SH3BP4: variants seen among roughly 807,000 people sequenced by gnomAD.
SH3BP4 encodes the protein SH3 domain-binding protein 4.
SH3BP4 carries 33 observed loss-of-function variants against 65.5 expected under a neutral mutation model. That is an observed-to-expected ratio of 0.50 (90% CI 0.38 to 0.67). The LOEUF is 0.67. Among genes scored for constraint, SH3BP4 ranks in the 30% least tolerant of loss-of-function variants. SH3BP4 has a pLI of 0.00. For synonymous variants in SH3BP4, 552 were observed against 545.5 expected (o/e 1.01, Z -0.17); for missense variants, 1,134 against 1,261.4 (o/e 0.90, Z 1.53).
chr2:235,006,200 T>G (rs1426308005), intron 2 of SH3BP4, among the ~76,000 whole-genome samples: 1 of 152,334 alleles, frequency 6.6e-6, no homozygotes, highest in African/African-American at 2.4e-5. Flanking sequence ...AGGTGGGAGA[T>G]GGGAGTCAGC....
At chr2:234,957,209 C>T (rs546676676) in intron 1 of SH3BP4, among the ~76,000 whole-genome samples, 41 of 151,376 alleles carry the variant, frequency 2.7e-4, no homozygotes, top group Admixed American at 3.9e-4. Context: ...TAGTAGAGAC[C>T]GGCTTCCCCA....
At chr2:234,988,145 C>T (rs540075799) in intron 1 of SH3BP4, among the ~76,000 whole-genome samples, 100 of 152,288 alleles carry the variant, frequency 6.6e-4, no homozygotes, top group Non-Finnish European at 1.1e-3. Flanking sequence ...CTGCATCCTT[C>T]GCCTCCCGGG....
rs115366811 is a variant in SH3BP4 at position 235,024,442 on chromosome 2, C to T, written c.-132-10429C>T. On this transcript the variant is annotated intron_variant, in intron 2 of 5. Transcript: ENST00000392011. ...TGTGGCATCCTCATGGCTGCTTTGG[C>T]TTCAGGGCTCCACTCACGTCCTCAC... Among the ~76,000 whole-genome samples, 739 of 152,232 alleles carry T rather than the reference C, an allele frequency of 4.9e-3. 6 individuals are homozygous for T. The highest frequency in any genetic ancestry group is 0.02 in the East Asian group (106 of 5,172).
Position 235,052,565 on chromosome 2 carries a change from C to T in SH3BP4, c.2482C>T (p.Leu828=), listed in dbSNP as rs770337282. 83 of 1,547,464 alleles carry T rather than the reference C, an allele frequency of 5.4e-5. No individual in the cohort carries two copies. Among genetic ancestry groups the T allele is most frequent in the Non-Finnish European group, 5.2e-5 (59 of 1,144,676 alleles). Residue 828 remains leucine (L), a synonymous_variant, in exon 5 of 6, where the codon CTA becomes TTA. Transcript: ENST00000392011. The surrounding 1 kb of genome is among the most constrained non-coding windows in gnomAD (Gnocchi z 5.0). ...CTGTGTGCCTCTTCCTCTGCAGGCC[C>T]TACTGAAGATGGACTGCCAGGGCCT... is the stretch of plus-strand genomic sequence containing the variant. The part of the protein sequence containing the change: ...KSFQKELVMA[L]LKMDCQGLVV...
intron 1 of SH3BP4, among the ~76,000 whole-genome samples, chr2:234,968,527 T>TG (rs1241644561): frequency 6.6e-6 from 1 of 152,210 alleles, no homozygotes; most frequent in African/African-American, 2.4e-5. Flanking sequence ...TCAGTGTTTG[T>TG]GGTTATTCCT....
At chr2:234,995,518 T>C (rs1294385356) in intron 2 of SH3BP4, 142 bp downstream of exon 2, 3 of 152,372 alleles carry the variant, frequency 2.0e-5, no homozygotes, top group Admixed American at 2.0e-4. Context: ...TTCTGGAAGC[T>C]TCTGGTGACA....
Position 235,034,171 on chromosome 2 carries a change from A to G in SH3BP4, c.-132-700A>G, listed in dbSNP as rs1281367139. 2.6e-5 allele frequency among the ~76,000 whole-genome samples: 4 copies of G among 152,248 alleles called. No individual in the cohort carries two copies. The East Asian group carries it at 7.7e-4, about 29-fold the overall frequency. On this transcript the variant is annotated intron_variant, in intron 2 of 5. Coordinates refer to ENST00000392011, the MANE Select transcript of SH3BP4 (RefSeq NM_014521.3). This position sits in a 1 kb window ranked among gnomAD's most constrained non-coding sequence, Gnocchi z 6.2. The stretch of plus-strand genomic sequence containing the variant: ...TGTCTGTGCGCCCTTCCAGAAAAAA[A>G]AAGCAGAGGCCTTAGGGGTGATTCT...
At chr2:235,027,026 C>G (rs1390031062) in intron 2 of SH3BP4, among the ~76,000 whole-genome samples, 2 of 152,220 alleles carry the variant, frequency 1.3e-5, no homozygotes, top group Non-Finnish European at 2.9e-5. Context: ...AGGAAAGGTT[C>G]TGCTGATCAG....
At chr2:235,051,392 T>C (rs1393619259) in intron 4 of SH3BP4, among the ~76,000 whole-genome samples, 1 of 152,162 alleles carries the variant, frequency 6.6e-6, no homozygotes, top group African/African-American at 2.4e-5. Flanking sequence ...ATATGTTCAA[T>C]GCCTGTCCCA....
intron 1 of SH3BP4, among the ~76,000 whole-genome samples, chr2:234,963,623 C>G (rs1004372767): frequency 1.3e-5 from 2 of 152,208 alleles, no homozygotes; most frequent in African/African-American, 2.4e-5. Context: ...GCTTCAGAAG[C>G]ATTAACATCT....
At chr2:235,010,068 C>T (rs904331388) in intron 2 of SH3BP4, among the ~76,000 whole-genome samples, 3 of 148,660 alleles carry the variant, frequency 2.0e-5, no homozygotes, top group Middle Eastern at 3.4e-3. Context: ...GTCCCATCCC[C>T]GGGATCCCCC....
intron 1 of SH3BP4, among the ~76,000 whole-genome samples, chr2:234,969,397 C>G (rs1692921642): frequency 1.3e-5 from 2 of 152,158 alleles, no homozygotes; most frequent in African/African-American, 2.4e-5. Context: ...CCTGGGACGT[C>G]CCAGTGTGTG....
intron 2 of SH3BP4, among the ~76,000 whole-genome samples, chr2:235,002,959 G>A (rs1214241783): frequency 2.0e-5 from 3 of 152,378 alleles, no homozygotes; most frequent in African/African-American, 7.2e-5. Flanking sequence ...ATTCCGTTCT[G>A]CCTTTGATCT....
intron 2 of SH3BP4, among the ~76,000 whole-genome samples, chr2:235,007,682 T>G (rs1694340057): frequency 6.6e-6 from 1 of 152,110 alleles, no homozygotes; most frequent in Admixed American, 6.5e-5. Flanking sequence ...TGCCAGTTGC[T>G]AAGTGGGGAA....
chr2:235,012,047 G>A (rs949611392), intron 2 of SH3BP4, among the ~76,000 whole-genome samples: 1 of 152,240 alleles, frequency 6.6e-6, no homozygotes, highest in Admixed American at 6.5e-5. Flanking sequence ...GGGAAAGCAT[G>A]GGGCTGGTGC....
intron 1 of SH3BP4, among the ~76,000 whole-genome samples, chr2:234,964,641 T>G (rs946827057): frequency 2.0e-5 from 3 of 152,066 alleles, no homozygotes; most frequent in Non-Finnish European, 4.4e-5. Context: ...GGCAGTGGAC[T>G]GGTGGGTTCT....
chr2:235,012,059 C>T lies in SH3BP4; in HGVS notation c.-133+16683C>T, dbSNP rs143953062. Among the ~76,000 whole-genome samples the T allele has an allele frequency of 2.1e-3, 314 of 152,294 alleles. 3 individuals carry two copies. Among genetic ancestry groups the T allele is most frequent in the Admixed American group, 4.7e-3 (72 of 15,300 alleles). On this transcript the variant is annotated intron_variant, in intron 2 of 5. Coordinates refer to ENST00000392011, the MANE Select transcript of SH3BP4 (RefSeq NM_014521.3). ...ATAGGGAAAGCATGGGGCTGGTGCC[C>T]GCACACTCAGTGTGGATGCAGGGAG...
intron 2 of SH3BP4, among the ~76,000 whole-genome samples, chr2:235,024,304 C>G (rs1694930718): frequency 6.6e-6 from 1 of 152,222 alleles, no homozygotes; most frequent in African/African-American, 2.4e-5. Context: ...GAGGGCCCAT[C>G]CACAGTTTGC....
intron 2 of SH3BP4, among the ~76,000 whole-genome samples, chr2:234,998,943 C>T (rs1187979508): frequency 6.6e-6 from 1 of 152,156 alleles, no homozygotes; most frequent in African/African-American, 2.4e-5. Flanking sequence ...CCTGACCTCC[C>T]CGTAATCAGC....
Sources: gnomAD v4.1 joint callset for allele counts (sites outside exome capture counted in the v4.1 genomes callset) on GRCh38, gnomAD v4.1.1 for gene constraint, Gnocchi (gnomAD v3.1) non-coding constraint, MANE v1.5 for transcripts, NCBI Gene and HGNC (gene_info 2026-07-23, HGNC 2026-07-21) for gene names.